TMEM132D: variants seen among roughly 807,000 people sequenced by gnomAD.
TMEM132D encodes transmembrane protein 132D, also known as mature OL transmembrane protein.
In TMEM132D, 21 loss-of-function variants were observed where a neutral mutation model predicts 62.3. That is an observed-to-expected ratio of 0.34 (90% confidence interval 0.24 to 0.49). The LOEUF is 0.49. Among genes scored for constraint, TMEM132D ranks in the 20% least tolerant of loss-of-function variants. The probability of loss-of-function intolerance (pLI) is 0.99; values close to 1 mark genes in which losing one functional copy is unlikely to be tolerated. For synonymous variants in TMEM132D, 621 were observed against 575.6 expected (o/e 1.08, Z -1.13); for missense variants, 1,346 against 1,402.8 (o/e 0.96, Z 0.65).
At chr12:129,278,092 G>A (rs951150924) in intron 4 of TMEM132D, among the ~76,000 whole-genome samples, 17 of 152,166 alleles carry the variant, frequency 1.1e-4, no homozygotes, top group Admixed American at 7.9e-4. Context: ...CTAGGGTCTG[G>A]TTCTAACTGC....
intron 2 of TMEM132D, among the ~76,000 whole-genome samples, chr12:129,536,801 A>C (rs1376870911): frequency 6.6e-6 from 1 of 152,222 alleles, no homozygotes; most frequent in Non-Finnish European, 1.5e-5. Flanking sequence ...AGCTAAGCCT[A>C]AAGTAACAAT....
At chr12:129,084,387 A>T in intron 6 of TMEM132D, 110 bp downstream of exon 6, 2 of 1,080,538 alleles carry the variant, frequency 1.9e-6, no homozygotes, top group Non-Finnish European at 2.6e-6. Flanking sequence ...CGGTGGAGGG[A>T]GGCTTGGTCC....
intron 1 of TMEM132D, among the ~76,000 whole-genome samples, chr12:129,721,647 G>T (rs1485881356): frequency 6.6e-6 from 1 of 152,174 alleles, no homozygotes; most frequent in Non-Finnish European, 1.5e-5. Flanking sequence ...AGGACTGCCT[G>T]CTGGGGGCTT....
At chr12:129,489,596 T>C (rs978768453) in intron 3 of TMEM132D, among the ~76,000 whole-genome samples, 2 of 152,266 alleles carry the variant, frequency 1.3e-5, no homozygotes, top group Admixed American at 1.3e-4. Flanking sequence ...TTTTAAATAA[T>C]GTCAGTTTTA....
At chr12:129,519,365 C>A (rs1276904131) in intron 3 of TMEM132D, among the ~76,000 whole-genome samples, 2 of 152,122 alleles carry the variant, frequency 1.3e-5, no homozygotes, top group Non-Finnish European at 2.9e-5. Flanking sequence ...TGAACACTTA[C>A]TTGAAATCAC....
At chr12:129,154,836 T>C (rs1003163566) in intron 5 of TMEM132D, among the ~76,000 whole-genome samples, 2 of 152,194 alleles carry the variant, frequency 1.3e-5, no homozygotes, top group African/African-American at 4.8e-5. Flanking sequence ...CCCAGAGCAT[T>C]TGCCCTGGCT....
intron 1 of TMEM132D, among the ~76,000 whole-genome samples, chr12:129,885,883 G>A (rs980167556): frequency 1.3e-5 from 2 of 152,114 alleles, no homozygotes; most frequent in African/African-American, 2.4e-5. Flanking sequence ...ATGTTACTTT[G>A]TTCCATTTTC....
At chr12:129,404,153 A>G (rs531154754) in intron 3 of TMEM132D, among the ~76,000 whole-genome samples, 2 of 152,238 alleles carry the variant, frequency 1.3e-5, no homozygotes, top group Admixed American at 1.3e-4. Context: ...GAAGGGTATT[A>G]GGCCATTTTG....
At chr12:129,755,127 T>A (rs1287558759) in intron 1 of TMEM132D, among the ~76,000 whole-genome samples, 1 of 152,200 alleles carries the variant, frequency 6.6e-6, no homozygotes, top group Non-Finnish European at 1.5e-5. Context: ...TGGATTGGAG[T>A]TCACACACAG....
intron 2 of TMEM132D, among the ~76,000 whole-genome samples, chr12:129,639,332 G>A (rs990977228): frequency 7.2e-6 from 1 of 139,448 alleles, no homozygotes. Context: ...GCAGTGAGCT[G>A]AGATTGAGCC....
intron 2 of TMEM132D, among the ~76,000 whole-genome samples, chr12:129,581,224 T>G (rs558491567): frequency 6.6e-6 from 1 of 152,184 alleles, no homozygotes; most frequent in Non-Finnish European, 1.5e-5. Context: ...CCTTCGGCCA[T>G]GAGTGAAAGC....
intron 2 of TMEM132D, among the ~76,000 whole-genome samples, chr12:129,657,839 A>G (rs1226082631): frequency 6.6e-6 from 1 of 152,224 alleles, no homozygotes; most frequent in East Asian, 1.9e-4. Flanking sequence ...GCTAAACTGC[A>G]TTTGTTTCCG....
chr12:129,264,362 C>A lies in TMEM132D; in HGVS notation c.1300-54699G>T, dbSNP rs530346443. On this transcript the variant is annotated intron_variant, in intron 4 of 8. Transcript: ENST00000422113. ...AGAGATTGTGCCACTGCACTCCAGCCTGGGCGACAGAGCGAAATCCTGTCT... is the reference window on the plus strand; with the variant it reads ...AGAGATTGTGCCACTGCACTCCAGCATGGGCGACAGAGCGAAATCCTGTCT... Among the ~76,000 whole-genome samples the A allele has an allele frequency of 8.5e-4, 129 of 152,214 alleles. 1 individual carries two copies. In the South Asian group the frequency reaches 0.024, roughly 29 times the overall value.
rs544411432 is a variant in TMEM132D at position 129,463,584 on chromosome 12, A to G, written c.1115+67475T>C. On this transcript the variant is annotated intron_variant, in intron 3 of 8. Coordinates refer to ENST00000422113, the MANE Select transcript of TMEM132D (RefSeq NM_133448.3). Reference sequence around the variant, plus strand: ...GGTGTGCTGCACCCATTAACTCGTCATTTAGCATTAGGTATATCTCCTAAT... The same window carrying G: ...GGTGTGCTGCACCCATTAACTCGTCGTTTAGCATTAGGTATATCTCCTAAT... 4.6e-3 allele frequency among the ~76,000 whole-genome samples: 705 copies of G among 151,972 alleles called. 3 individuals are homozygous for G. The highest frequency in any genetic ancestry group is 6.9e-3 in the Non-Finnish European group (470 of 67,980).
At chr12:129,699,443 G>C (rs1381396002) in intron 2 of TMEM132D, among the ~76,000 whole-genome samples, 1 of 152,176 alleles carries the variant, frequency 6.6e-6, no homozygotes, top group Admixed American at 6.5e-5. Flanking sequence ...CATTTCATTT[G>C]CAGTCTCATT....
intron 1 of TMEM132D, among the ~76,000 whole-genome samples, chr12:129,828,931 G>A (rs1408058805): frequency 4.6e-5 from 7 of 151,772 alleles, no homozygotes; most frequent in Non-Finnish European, 8.8e-5. Context: ...GCCTGTGAAA[G>A]AGGTGGAAGG....
chr12:129,636,729 TGTGTGTGTGA>T (rs1346415559), intron 2 of TMEM132D, among the ~76,000 whole-genome samples: 29 of 130,984 alleles, frequency 2.2e-4, no homozygotes, highest in African/African-American at 8.3e-4. Context: ...TGTGTGTGTG[TGTGTGTGTGA>T]GAGAGAGAGA....
intron 5 of TMEM132D, among the ~76,000 whole-genome samples, chr12:129,204,059 G>A (rs896105632): frequency 6.6e-6 from 1 of 152,150 alleles, no homozygotes; most frequent in Non-Finnish European, 1.5e-5. Flanking sequence ...ATATACTGAA[G>A]AAATATCAGC....
At chr12:129,883,067 G>A (rs559446411) in intron 1 of TMEM132D, among the ~76,000 whole-genome samples, 3 of 152,136 alleles carry the variant, frequency 2.0e-5, no homozygotes, top group Non-Finnish European at 4.4e-5. Flanking sequence ...AGAAGGAGGG[G>A]TGTGGACAGG....
Sources: gnomAD v4.1 joint callset for allele counts (sites outside exome capture counted in the v4.1 genomes callset) on GRCh38, gnomAD v4.1.1 for gene constraint, MANE v1.5 for transcripts, NCBI Gene and HGNC (gene_info 2026-07-23, HGNC 2026-07-21) for gene names.